Variants in THEMIS observed in about 807,000 individuals in gnomAD.
The protein encoded by THEMIS is thymocyte selection associated.
A neutral mutation model predicts 52.6 loss-of-function variants in THEMIS; 37 were observed. The observed-to-expected ratio is 0.70, with a 90% CI of 0.54 to 0.93. THEMIS has a LOEUF of 0.93. THEMIS is among the 40% of genes least tolerant of loss of function. The probability of loss-of-function intolerance (pLI) is 0.00; values close to 1 mark genes in which losing one functional copy is unlikely to be tolerated. For synonymous variants in THEMIS, 292 were observed against 272.7 expected, an observed-to-expected ratio of 1.07 and a Z score of -0.70; for missense variants, 808 against 763.1, an observed-to-expected ratio of 1.06 and a Z score of -0.69.
intron 4 of THEMIS, among the ~76,000 whole-genome samples, chr6:127,744,683 T>C (rs1775325081): frequency 6.6e-6 from 1 of 151,912 alleles, no homozygotes; most frequent in Non-Finnish European, 1.5e-5. Flanking sequence ...AGAGGAGACA[T>C]GAGGTGTTCT....
chr6:127,843,275 C>T (rs1779110973), intron 2 of THEMIS, among the ~76,000 whole-genome samples: 1 of 145,986 alleles, frequency 6.8e-6, no homozygotes, highest in Non-Finnish European at 1.5e-5. Context: ...AATATCACCT[C>T]TTTTTTTTTT....
intron 1 of THEMIS, among the ~76,000 whole-genome samples, chr6:127,910,683 C>T (rs1405998645): frequency 1.3e-5 from 2 of 152,126 alleles, no homozygotes; most frequent in Non-Finnish European, 2.9e-5. Flanking sequence ...AGAGATAGTA[C>T]AGAGATTTCC....
At chr6:127,787,868 TAG>T (rs377628595) in intron 4 of THEMIS, among the ~76,000 whole-genome samples, 55 of 106,428 alleles carry the variant, frequency 5.2e-4, no homozygotes, top group East Asian at 1.7e-3. Context: ...GATAGATAGA[TAG>T]ATAGATAGAT....
intron 4 of THEMIS, among the ~76,000 whole-genome samples, chr6:127,755,595 G>C (rs1775794930): frequency 6.6e-6 from 1 of 152,046 alleles, no homozygotes; most frequent in Admixed American, 6.5e-5. Flanking sequence ...CAGTAGAAAA[G>C]AGCAACATTC....
chr6:127,762,732 CA>C (rs1246555449), intron 4 of THEMIS, among the ~76,000 whole-genome samples: 1 of 152,022 alleles, frequency 6.6e-6, no homozygotes, highest in Non-Finnish European at 1.5e-5. Flanking sequence ...AAACAGTTTT[CA>C]ATACTCATAA....
chr6:127,784,254 G>A (rs1268909659), intron 4 of THEMIS, among the ~76,000 whole-genome samples: 8 of 152,144 alleles, frequency 5.3e-5, no homozygotes, highest in Admixed American at 5.2e-4. Flanking sequence ...AGGGCTAGGG[G>A]AGGGATAGCA....
intron 4 of THEMIS, 112 bp from the exon 5 acceptor site, chr6:127,719,935 T>C (rs1774307437): frequency 1.4e-6 from 2 of 1,390,030 alleles, no homozygotes; most frequent in Non-Finnish European, 2.0e-6. Flanking sequence ...ACAGAACATT[T>C]GACATGTCAA....
Position 127,813,584 on chromosome 6 carries a change from A to C in THEMIS, c.1057T>G (p.Tyr353Asp). 6.2e-7 allele frequency: 1 copy of C among 1,614,086 alleles called. No individual in the cohort carries two copies. The highest frequency in any genetic ancestry group is 2.2e-5 in the East Asian group (1 of 44,874). Residue 353 changes from tyrosine (Y) to aspartate (D), a missense_variant, in exon 4 of 6, where the codon TAT (tyrosine) becomes GAT (aspartate). Transcript: ENST00000368248. ...TCACTCTTAGCGATCTCTAGGTCAT[A>C]GGCCGTTGGGAACTCCCTCGGTCGC... ...KRRPREFPTA[Y>D]DLEIAKSEKE...
At chr6:127,863,229 G>A (rs1424577253) in intron 1 of THEMIS, among the ~76,000 whole-genome samples, 1 of 152,102 alleles carries the variant, frequency 6.6e-6, no homozygotes, top group Non-Finnish European at 1.5e-5. Flanking sequence ...CAACTTTGAC[G>A]ATCTCTCGAA....
intron 4 of THEMIS, among the ~76,000 whole-genome samples, chr6:127,763,127 T>G (rs1776077780): frequency 6.6e-6 from 1 of 151,924 alleles, no homozygotes; most frequent in Non-Finnish European, 1.5e-5. Context: ...CCTAAGAGTT[T>G]AAGAAAGAAA....
intron 1 of THEMIS, among the ~76,000 whole-genome samples, chr6:127,915,586 AAGAGAGAGAGAG>A (rs34353449): frequency 1.4e-5 from 2 of 140,326 alleles, no homozygotes; most frequent in South Asian, 2.4e-4. Context: ...GTCAGAGAGA[AAGAGAGAGAGAG>A]AGAGAGAGAG....
At chr6:127,877,801 G>A (rs1780358914) in intron 1 of THEMIS, among the ~76,000 whole-genome samples, 1 of 152,134 alleles carries the variant, frequency 6.6e-6, no homozygotes, top group Non-Finnish European at 1.5e-5. Context: ...GTGGAAAATG[G>A]TGCCAATAGA....
intron 4 of THEMIS, among the ~76,000 whole-genome samples, chr6:127,731,694 CTT>C (rs34588130): frequency 1.3e-3 from 126 of 93,402 alleles, no homozygotes; most frequent in African/African-American, 2.2e-3. Flanking sequence ...TTTATTGCTA[CTT>C]TTTTTTTTTT....
chr6:127,792,452 A>G (rs1777191411), intron 4 of THEMIS, among the ~76,000 whole-genome samples: 1 of 152,198 alleles, frequency 6.6e-6, no homozygotes, highest in South Asian at 2.1e-4. Flanking sequence ...TGGGTCAAAT[A>G]GAAATACAGA....
In THEMIS at chr6:127,855,146, G is replaced by A. The variant is rs1220122546; in HGVS notation, c.134C>T (p.Thr45Ile). ...EMFGNECCFSTGEVIKITGLK... is the reference protein window; with the variant it reads ...EMFGNECCFSIGEVIKITGLK... Reference sequence around the variant, plus strand: ...ACCAGTAATTTTAATCACTTCTCCTGTTGAAAAACAGCATTCATTTCCAAA... The same window carrying A: ...ACCAGTAATTTTAATCACTTCTCCTATTGAAAAACAGCATTCATTTCCAAA... The change falls in exon 2 of 6, where the codon ACA (threonine) becomes ATA (isoleucine). Residue 45 changes from threonine to isoleucine, a missense_variant. By Grantham distance (89) the Thr-to-Ile change is moderately conservative. Transcript: ENST00000368248. 4 of 1,607,076 alleles carry A rather than the reference G, an allele frequency of 2.5e-6. No individual in the cohort carries two copies. Among genetic ancestry groups the A allele is most frequent in the African/African-American group, 1.3e-5 (1 of 74,390 alleles).
At chr6:127,898,876 C>T (rs999159932) in intron 1 of THEMIS, among the ~76,000 whole-genome samples, 1 of 151,686 alleles carries the variant, frequency 6.6e-6, no homozygotes, top group African/African-American at 2.4e-5. Flanking sequence ...CACAGAAAGA[C>T]AAATATCACA....
chr6:127,878,669 T>C (rs1780387569), intron 1 of THEMIS, among the ~76,000 whole-genome samples: 1 of 152,190 alleles, frequency 6.6e-6, no homozygotes, highest in Non-Finnish European at 1.5e-5. Context: ...AAGGTTGGCA[T>C]GAATTTTTTT....
At chr6:127,781,537 T>A (rs1776743941) in intron 4 of THEMIS, among the ~76,000 whole-genome samples, 1 of 152,154 alleles carries the variant, frequency 6.6e-6, no homozygotes, top group African/African-American at 2.4e-5. Flanking sequence ...TTATCTATCT[T>A]TTGTCTTTGA....
chr6:127,802,207 T>C (rs950711642), intron 4 of THEMIS, among the ~76,000 whole-genome samples: 1 of 152,176 alleles, frequency 6.6e-6, no homozygotes, highest in Admixed American at 6.5e-5. Context: ...AGTGGATTAG[T>C]CACTTTAGAC....
Sources: allele counts gnomAD v4.1 joint callset (sites outside exome capture counted in the v4.1 genomes callset), GRCh38; gene constraint gnomAD v4.1.1; transcripts MANE v1.5; gene names NCBI Gene and HGNC (gene_info 2026-07-23, HGNC 2026-07-21).